CDYL2: variants seen among roughly 807,000 people sequenced by gnomAD.
CDYL2 encodes chromodomain Y like 2.
A neutral mutation model predicts 49.4 loss-of-function variants in CDYL2; 23 were observed. That is an observed-to-expected ratio of 0.47 (90% CI 0.34 to 0.66). CDYL2 has a LOEUF of 0.66. CDYL2 is among the 30% of genes least tolerant of loss of function. The probability of loss-of-function intolerance (pLI) is 0.01; values close to 1 mark genes in which losing one functional copy is unlikely to be tolerated. For missense variants in CDYL2, 678 were observed against 656.4 expected (o/e 1.03, Z -0.36); for synonymous variants, 360 against 268.8 (o/e 1.34, Z -3.32).
intron 2 of CDYL2, among the ~76,000 whole-genome samples, chr16:80,650,225 A>G (rs1908526638): frequency 6.6e-6 from 1 of 152,242 alleles, no homozygotes; most frequent in South Asian, 2.1e-4. Context: ...TCCATCTGAC[A>G]AGGGATTAAT....
At chr16:80,608,287 C>A in intron 5 of CDYL2, 52 bp from the exon 6 acceptor site, 4 of 1,498,744 alleles carry the variant, frequency 2.7e-6, no homozygotes, top group Non-Finnish European at 3.6e-6. Flanking sequence ...CCACCCATGT[C>A]CCTCAGCTGG....
intron 3 of CDYL2, chr16:80,627,494 C>T (rs1030385531): frequency 1.3e-5 from 2 of 152,148 alleles, no homozygotes; most frequent in Admixed American, 1.3e-4. Flanking sequence ...AAAGTACAAA[C>T]TATACTGTTT....
At chr16:80,780,101 G>T (rs978694688) in intron 1 of CDYL2, among the ~76,000 whole-genome samples, 1 of 152,104 alleles carries the variant, frequency 6.6e-6, no homozygotes, top group Non-Finnish European at 1.5e-5. Context: ...TATAAAGAAA[G>T]TTGTAAAACT....
chr16:80,682,878 C>A (rs1232454253), intron 2 of CDYL2, among the ~76,000 whole-genome samples: 1 of 152,202 alleles, frequency 6.6e-6, no homozygotes, highest in African/African-American at 2.4e-5. Context: ...TTCACAGGCA[C>A]AGTCACGTCA....
intron 4 of CDYL2, among the ~76,000 whole-genome samples, chr16:80,613,078 G>C (rs529921445): frequency 6.6e-6 from 1 of 152,162 alleles, no homozygotes; most frequent in East Asian, 1.9e-4. Context: ...CCATGTCCTA[G>C]CACTGCACCC....
chr16:80,638,797 G>C (rs1485571804), intron 2 of CDYL2, among the ~76,000 whole-genome samples: 1 of 152,076 alleles, frequency 6.6e-6, no homozygotes, highest in East Asian at 1.9e-4. Flanking sequence ...AAAGAACCTA[G>C]ACACAAACTC....
chr16:80,682,772 GC>G (rs1180374549), intron 2 of CDYL2, among the ~76,000 whole-genome samples: 2 of 152,176 alleles, frequency 1.3e-5, no homozygotes, highest in Non-Finnish European at 2.9e-5. Flanking sequence ...AGCCGTCACA[GC>G]AACATCAAAC....
Position 80,804,256 on chromosome 16 carries a change from C to A in CDYL2, c.-83G>T. On this transcript the variant is annotated 5_prime_UTR_variant, in exon 1 of 7. Coordinates refer to ENST00000570137, the MANE Select transcript of CDYL2 (RefSeq NM_152342.4). ...GCGTGTGCGCGCGGGGTCCGGTGTG[C>A]GCGTGTGTGTGCGCGCGTGTGTGTG... The A allele has an allele frequency of 8.0e-7, 1 of 1,244,570 alleles. No homozygotes were observed. The highest frequency in any genetic ancestry group is 1.5e-5 in the South Asian group (1 of 66,076). The allele number at this position is 1,244,570 out of a possible 1,614,324, so 77.1% of individuals were successfully genotyped here. A position where few individuals can be genotyped will look rare whatever the true frequency, so the allele number is the denominator to read the frequency against.
chr16:80,639,630 A>C (rs964660796), intron 2 of CDYL2: 9 of 452,786 alleles, frequency 2.0e-5, no homozygotes, highest in Non-Finnish European at 4.0e-5. Context: ...ACACAAAAAA[A>C]AATACCTTCA....
At chr16:80,683,209 G>A (rs1171192444) in intron 2 of CDYL2, among the ~76,000 whole-genome samples, 1 of 152,232 alleles carries the variant, frequency 6.6e-6, no homozygotes, top group Non-Finnish European at 1.5e-5. Context: ...GAATCTGATG[G>A]CCCTGCCCTG....
intron 1 of CDYL2, among the ~76,000 whole-genome samples, chr16:80,770,846 GAGGA>G (rs1293365945): frequency 2.0e-5 from 3 of 152,132 alleles, no homozygotes; most frequent in African/African-American, 4.8e-5. Flanking sequence ...AAGTAAAATA[GAGGA>G]AGAGAAGAAA....
chr16:80,683,067 T>C (rs1910031808), intron 2 of CDYL2, among the ~76,000 whole-genome samples: 1 of 152,166 alleles, frequency 6.6e-6, no homozygotes, highest in African/African-American at 2.4e-5. Context: ...CTCTGCACGT[T>C]CTGGACTCCA....
intron 1 of CDYL2, among the ~76,000 whole-genome samples, chr16:80,712,032 T>G (rs1904618547): frequency 6.6e-6 from 1 of 150,792 alleles, no homozygotes; most frequent in African/African-American, 2.4e-5. Flanking sequence ...TATATGTGTG[T>G]ATATATATGT....
intron 1 of CDYL2, among the ~76,000 whole-genome samples, chr16:80,801,104 A>T (rs1907914104): frequency 6.6e-6 from 1 of 152,224 alleles, no homozygotes; most frequent in Non-Finnish European, 1.5e-5. Flanking sequence ...CATGGCCCCT[A>T]TGTTTAGCCG....
chr16:80,731,606 A>G (rs1368099876), intron 1 of CDYL2, among the ~76,000 whole-genome samples: 3 of 152,186 alleles, frequency 2.0e-5, no homozygotes, highest in African/African-American at 7.2e-5. Context: ...AGAGCAAAAT[A>G]GTTTTACAGT....
intron 4 of CDYL2, among the ~76,000 whole-genome samples, chr16:80,618,223 T>A (rs1404968739): frequency 6.6e-6 from 1 of 152,236 alleles, no homozygotes; most frequent in Non-Finnish European, 1.5e-5. Flanking sequence ...CCACTAGTCA[T>A]GTTTCCCCAG....
intron 2 of CDYL2, among the ~76,000 whole-genome samples, chr16:80,635,499 C>A (rs1907778996): frequency 6.6e-6 from 1 of 152,122 alleles, no homozygotes; most frequent in Non-Finnish European, 1.5e-5. Flanking sequence ...AGGCATACAA[C>A]TTACAAGGGA....
intron 1 of CDYL2, among the ~76,000 whole-genome samples, chr16:80,709,343 T>C (rs1488331610): frequency 2.0e-5 from 3 of 149,820 alleles, no homozygotes; most frequent in Non-Finnish European, 4.4e-5. Flanking sequence ...GATCGTGCCA[T>C]TGCACTCCAG....
At chr16:80,608,064 C>G in intron 6 of CDYL2, 28 bp downstream of exon 6, 1 of 1,541,500 alleles carries the variant, frequency 6.5e-7, no homozygotes, top group Non-Finnish European at 8.8e-7. Context: ...ATCAAAAGGA[C>G]AAGCACGCAG....
Sources: allele counts gnomAD v4.1 joint callset (sites outside exome capture counted in the v4.1 genomes callset), GRCh38; gene constraint gnomAD v4.1.1; transcripts MANE v1.5; gene names NCBI Gene and HGNC (gene_info 2026-07-23, HGNC 2026-07-21).